PTGIS: variants seen among roughly 807,000 people sequenced by gnomAD.
The protein encoded by PTGIS is prostaglandin I2 synthase.
A neutral mutation model predicts 50.3 loss-of-function variants in PTGIS; 45 were observed. The ratio of observed to expected loss-of-function variants is 0.90; its 90% CI spans 0.70 to 1.15. The LOEUF is 1.15. Among genes scored for constraint, PTGIS ranks in the 50% most tolerant of loss-of-function variants. The probability of loss-of-function intolerance (pLI) is 0.00; values close to 1 mark genes in which losing one functional copy is unlikely to be tolerated. For missense variants in PTGIS, 668 were observed against 661.3 expected (o/e 1.01, Z -0.11); for synonymous variants, 260 against 267.7 (o/e 0.97, Z 0.28).
At chr20:49,534,385 C>G (rs978770577) in intron 5 of PTGIS, among the ~76,000 whole-genome samples, 6 of 152,300 alleles carry the variant, frequency 3.9e-5, no homozygotes, top group Non-Finnish European at 8.8e-5. Flanking sequence ...GCCTCTGGTC[C>G]CAATTAAGAT....
At chr20:49,512,824 G>T (rs1187233177) in intron 8 of PTGIS, among the ~76,000 whole-genome samples, 2 of 152,178 alleles carry the variant, frequency 1.3e-5, no homozygotes, top group East Asian at 3.9e-4. Flanking sequence ...ATATCAGAAG[G>T]CTGGGGAGAG....
At position 49,540,044 on chromosome 20, in the gene PTGIS, G is replaced by A. The variant is rs142276403; in HGVS notation, c.522-323C>T. Among the ~76,000 whole-genome samples, 576 of 151,910 alleles carry A rather than the reference G, an allele frequency of 3.8e-3. 6 individuals carry two copies. Among genetic ancestry groups the A allele is most frequent in the African/African-American group, 0.013 (546 of 41,438 alleles). On this transcript the variant is annotated intron_variant, in intron 4 of 9. Transcript: ENST00000244043. The surrounding 1 kb of genome is among the most constrained non-coding windows in gnomAD (Gnocchi z 4.8). ...GCGGGGGCTGTGGTGTCAGGTGCCA[G>A]GTGAGGGAGGGGCTGGTGTCAAGCT...
intron 9 of PTGIS, among the ~76,000 whole-genome samples, chr20:49,510,363 T>C (rs778387361): frequency 6.6e-5 from 10 of 152,232 alleles, no homozygotes; most frequent in Non-Finnish European, 1.0e-4. Flanking sequence ...ATAATTAACA[T>C]TTTTCAAATG....
At chr20:49,526,700 T>C (rs927330224) in intron 5 of PTGIS, among the ~76,000 whole-genome samples, 10 of 152,176 alleles carry the variant, frequency 6.6e-5, no homozygotes, top group Admixed American at 5.9e-4. Flanking sequence ...AAAGAAGAGA[T>C]ACAAATGGCT....
At chr20:49,547,255 T>G (rs112771540) in intron 3 of PTGIS, among the ~76,000 whole-genome samples, 2 of 152,034 alleles carry the variant, frequency 1.3e-5, no homozygotes, top group Non-Finnish European at 2.9e-5. Context: ...TAAAATAAAA[T>G]GATTCCTCCA....
At position 49,508,044 on chromosome 20, in the gene PTGIS, A is replaced by T; in HGVS notation, c.1379T>A (p.Val460Glu). 6.2e-7 allele frequency: 1 copy of T among 1,613,922 alleles called. No homozygotes were observed. Among genetic ancestry groups the T allele is most frequent in the Non-Finnish European group, 8.5e-7 (1 of 1,180,028 alleles). The change falls in exon 10 of 10, where the codon GTG becomes GAG. Residue 460 changes from valine to glutamate, a missense_variant. Val to Glu is a moderately radical substitution (Grantham distance 121, BLOSUM62 -2). Coordinates refer to ENST00000244043, the MANE Select transcript of PTGIS (RefSeq NM_000961.4). ...GTTGATCAGCTCCAAGTCCAAGTGC[A>T]CCAGCACAAGGAACACAAATCTGCA... Reference protein sequence around the residue: ...SIKQFVFLVLVHLDLELINAD... With the variant: ...SIKQFVFLVLEHLDLELINAD...
intron 5 of PTGIS, among the ~76,000 whole-genome samples, chr20:49,529,389 T>C (rs1318655125): frequency 6.6e-6 from 1 of 152,176 alleles, no homozygotes; most frequent in Non-Finnish European, 1.5e-5. Context: ...CTTATTTCAC[T>C]TACAATATTG....
intron 4 of PTGIS, among the ~76,000 whole-genome samples, chr20:49,543,636 T>C (rs1187009027): frequency 2.0e-5 from 3 of 152,182 alleles, no homozygotes; most frequent in African/African-American, 7.2e-5. Flanking sequence ...GCCTAGAGTG[T>C]TGGCGTGGTG....
chr20:49,517,773 C>T lies in PTGIS; in HGVS notation c.856-3378G>A, dbSNP rs914704124. Among the ~76,000 whole-genome samples the T allele has an allele frequency of 5.3e-5, 8 of 152,180 alleles. No homozygotes were observed. The East Asian group carries it at 1.2e-3, about 22-fold the overall frequency. On this transcript the variant is annotated intron_variant, in intron 6 of 9. Coordinates refer to ENST00000244043, the MANE Select transcript of PTGIS (RefSeq NM_000961.4). ...CCCATCAGTGGAAGTGGGGGACTTCCGCTGCCCGCTCCTGCCTGCATCCGC... is the reference window on the plus strand; with the variant it reads ...CCCATCAGTGGAAGTGGGGGACTTCTGCTGCCCGCTCCTGCCTGCATCCGC...
intron 8 of PTGIS, 124 bp downstream of exon 8, chr20:49,512,956 A>G: frequency 8.5e-7 from 1 of 1,183,010 alleles, no homozygotes; most frequent in Non-Finnish European, 1.2e-6. Flanking sequence ...GAGGTGAAGC[A>G]ATCTGGGCAA....
chr20:49,537,994 C>G (rs1982123674), intron 5 of PTGIS, among the ~76,000 whole-genome samples: 1 of 152,146 alleles, frequency 6.6e-6, no homozygotes, highest in Admixed American at 6.5e-5. Context: ...TGGCTCACGT[C>G]TGTAATCCCA....
chr20:49,505,072 G>A lies in PTGIS; in HGVS notation c.*2848C>T, dbSNP rs1163903148. 4 of 139,338 alleles carry A rather than the reference G, an allele frequency of 2.9e-5. No individual in the cohort carries two copies. Among genetic ancestry groups the A allele is most frequent in the East Asian group, 4.1e-4 (2 of 4,838 alleles). The allele number at this position is 139,338 out of a possible 1,614,324, so 8.6% of individuals were successfully genotyped here. ...CGGGAGGCAGAGCTTGCAGTGAGCC[G>A]AGATCACGCCACTGCACTCTAGCCT... On this transcript the variant is annotated 3_prime_UTR_variant, in exon 10 of 10. Coordinates refer to ENST00000244043, the MANE Select transcript of PTGIS (RefSeq NM_000961.4).
chr20:49,561,563 G>C (rs879920902), intron 1 of PTGIS, among the ~76,000 whole-genome samples: 1 of 152,208 alleles, frequency 6.6e-6, no homozygotes, highest in Non-Finnish European at 1.5e-5. Context: ...GCCCAGGTCA[G>C]AGCCTGGCAG....
chr20:49,539,683 G>A lies in PTGIS; in HGVS notation c.560C>T (p.Pro187Leu), dbSNP rs1277631189. 2 of 1,613,686 alleles carry A rather than the reference G, an allele frequency of 1.2e-6. No homozygotes were observed. The highest frequency in any genetic ancestry group is 1.7e-6 in the Non-Finnish European group (2 of 1,179,980). ...YLTLYGIEAL[P>L]RTHESQAQDR... ...CTGGGCCTGGCTTTCATGGGTGCGT[G>A]GCAGCGCCTCAATTCCGTAAAGAGT... Residue 187 changes from proline (P) to leucine (L), a missense_variant, in exon 5 of 10, where the codon CCA (proline) becomes CTA (leucine). By Grantham distance (98) the Pro-to-Leu change is moderately conservative. Coordinates refer to ENST00000244043, the MANE Select transcript of PTGIS (RefSeq NM_000961.4).
chr20:49,564,252 A>T (rs1286588596), intron 1 of PTGIS, among the ~76,000 whole-genome samples: 1 of 152,050 alleles, frequency 6.6e-6, no homozygotes, highest in Non-Finnish European at 1.5e-5. Context: ...ATATCATGAC[A>T]TCTAATTTTT....
chr20:49,559,409 T>C (rs1982705923), intron 1 of PTGIS, among the ~76,000 whole-genome samples: 1 of 152,204 alleles, frequency 6.6e-6, no homozygotes, highest in African/African-American at 2.4e-5. Flanking sequence ...TTAATAAACT[T>C]GCTTTCACGT....
At chr20:49,558,683 T>C (rs1042360902) in intron 1 of PTGIS, among the ~76,000 whole-genome samples, 11 of 151,674 alleles carry the variant, frequency 7.3e-5, no homozygotes, top group African/African-American at 1.9e-4. Flanking sequence ...TGAGACTTGC[T>C]GGGCTGCAAT....
chr20:49,537,679 C>T (rs530036744), intron 5 of PTGIS, among the ~76,000 whole-genome samples: 2 of 152,216 alleles, frequency 1.3e-5, no homozygotes, highest in South Asian at 2.1e-4. Flanking sequence ...TGCTTGACCC[C>T]GGGAAGCAGA....
At chr20:49,567,701 C>T (rs1036093287) in intron 1 of PTGIS, among the ~76,000 whole-genome samples, 3 of 152,204 alleles carry the variant, frequency 2.0e-5, no homozygotes, top group African/African-American at 4.8e-5. Flanking sequence ...CCGCACGGCT[C>T]CCCACCCACA....
Sources: allele counts gnomAD v4.1 joint callset (sites outside exome capture counted in the v4.1 genomes callset), GRCh38; gene constraint gnomAD v4.1.1; non-coding constraint Gnocchi (gnomAD v3.1); transcripts MANE v1.5; gene names NCBI Gene and HGNC (gene_info 2026-07-23, HGNC 2026-07-21).